The following SCARB1 variants were observed in gnomAD, a reference collection of about 807,000 sequenced individuals.
The protein encoded by SCARB1 is CD36 and LIMPII analogous 1.
A neutral mutation model predicts 57.2 loss-of-function variants in SCARB1; 30 were observed. The observed-to-expected ratio is 0.52, with a 90% CI of 0.39 to 0.71. The LOEUF (loss-of-function observed/expected upper bound fraction) is 0.71, where lower values mean the gene tolerates loss of function less well. SCARB1 is among the 30% of genes least tolerant of loss of function. The pLI, the probability that SCARB1 is intolerant of heterozygous loss-of-function variation, is 0.00. For missense variants in SCARB1, 543 were observed against 671.2 expected, an observed-to-expected ratio of 0.81 and a Z score of 2.11; for synonymous variants, 249 against 268.3, an observed-to-expected ratio of 0.93 and a Z score of 0.70.
intron 1 of SCARB1, among the ~76,000 whole-genome samples, chr12:124,858,012 C>T (rs1200605124): frequency 6.6e-6 from 1 of 152,134 alleles, no homozygotes; most frequent in Admixed American, 6.5e-5. Context: ...TGGATGTGTG[C>T]CCCCCAGGAC....
At chr12:124,843,872 G>A (rs1952018637) in intron 1 of SCARB1, among the ~76,000 whole-genome samples, 2 of 152,156 alleles carry the variant, frequency 1.3e-5, no homozygotes, top group South Asian at 2.1e-4. Context: ...AAGCACATGA[G>A]AACAATGCTG....
At chr12:124,845,684 G>A (rs1434775798) in intron 1 of SCARB1, among the ~76,000 whole-genome samples, 1 of 139,792 alleles carries the variant, frequency 7.2e-6, no homozygotes, top group African/African-American at 2.7e-5. Context: ...CAGCCTGGGT[G>A]ACACAGCAAG....
rs2135526034 is a variant in SCARB1 at position 124,782,827 on chromosome 12, G to A, written c.1402-16C>T. 2 of 1,613,734 alleles carry A rather than the reference G, an allele frequency of 1.2e-6. No individual in the cohort carries two copies. The highest frequency in any genetic ancestry group is 1.7e-6 in the Non-Finnish European group (2 of 1,179,712). ...AGCATTTCTCCTAGAAGATAACCAAGCTAATTTATAGTTGACGTTGAAGCC... is the reference window on the plus strand; with the variant it reads ...AGCATTTCTCCTAGAAGATAACCAAACTAATTTATAGTTGACGTTGAAGCC... On this transcript the variant is annotated splice_polypyrimidine_tract_variant and intron_variant, in intron 11 of 12. Transcript: ENST00000261693.
At chr12:124,838,179 A>G (rs745325572) in intron 1 of SCARB1, among the ~76,000 whole-genome samples, 4 of 152,188 alleles carry the variant, frequency 2.6e-5, no homozygotes, top group Non-Finnish European at 4.4e-5. Context: ...CCTAGACCAC[A>G]CAGAAATTCA....
chr12:124,846,729 C>CAAAAAAA (rs5801572), intron 1 of SCARB1, among the ~76,000 whole-genome samples: 8 of 46,038 alleles, frequency 1.7e-4, no homozygotes, highest in Admixed American at 4.1e-4. Context: ...GACTCCATCT[C>CAAAAAAA]AAAAAAAAAA....
At chr12:124,801,951 G>C (rs1950146810) in intron 7 of SCARB1, among the ~76,000 whole-genome samples, 1 of 151,618 alleles carries the variant, frequency 6.6e-6, no homozygotes, top group African/African-American at 2.4e-5. Context: ...GGGAGTTCAC[G>C]ACCAGCCTGA....
chr12:124,850,992 G>T (rs753128751), intron 1 of SCARB1, among the ~76,000 whole-genome samples: 3 of 152,166 alleles, frequency 2.0e-5, no homozygotes, highest in Non-Finnish European at 2.9e-5. Flanking sequence ...CTCCAAATGG[G>T]CAGGCGACCC....
At position 124,817,161 on chromosome 12, in the gene SCARB1, T is replaced by G. The variant is rs141739151; in HGVS notation, c.284+389A>C. ...GTGTATGTGTATGTGTGTGTATGTA[T>G]GTGTGTAACTCACACATGCACCCTC... On this transcript the variant is annotated intron_variant, in intron 2 of 12. Coordinates refer to ENST00000261693, the MANE Select transcript of SCARB1 (RefSeq NM_005505.5). This position sits in a 1 kb window ranked among gnomAD's most constrained non-coding sequence, Gnocchi z 4.8. Among the ~76,000 whole-genome samples, 3 of 151,822 alleles carry G rather than the reference T, an allele frequency of 2.0e-5. No homozygotes were observed. Among genetic ancestry groups the G allele is most frequent in the Middle Eastern group, 3.4e-3 (1 of 294 alleles).
chr12:124,840,135 G>T, intron 1 of SCARB1: 2 of 1,187,338 alleles, frequency 1.7e-6, no homozygotes, highest in Non-Finnish European at 2.2e-6. Context: ...TTTCCCTAAC[G>T]ATGAGCGAGT....
intron 4 of SCARB1, among the ~76,000 whole-genome samples, chr12:124,813,218 C>A (rs1313852384): frequency 6.6e-6 from 1 of 152,150 alleles, no homozygotes; most frequent in East Asian, 1.9e-4. Flanking sequence ...TTTCTTCCTC[C>A]CTAAGAGGGA....
chr12:124,821,503 A>G, intron 1 of SCARB1: 2 of 984,384 alleles, frequency 2.0e-6, no homozygotes, highest in Non-Finnish European at 2.4e-6. Flanking sequence ...CTCTCTCCCC[A>G]AAGAAGAGGC....
intron 1 of SCARB1, among the ~76,000 whole-genome samples, chr12:124,820,589 A>C (rs1269736005): frequency 1.3e-5 from 2 of 152,020 alleles, no homozygotes; most frequent in Non-Finnish European, 2.9e-5. Context: ...AAGCCCATGC[A>C]CTGCAGGTCC....
chr12:124,863,620 G>T lies in SCARB1; in HGVS notation c.101C>A (p.Ser34Ter). The change falls in exon 1 of 13, where the codon TCG (serine) becomes TAG (stop). Residue 34 changes from serine (S) to a stop codon, truncating the protein, a stop_gained. Coordinates refer to ENST00000261693, the MANE Select transcript of SCARB1 (RefSeq NM_005505.5). LOFTEE classifies it high-confidence loss of function. ...CTTAAGGACCTGCTGCTTGATGAGCGACGGCACCATCACGATCATGACAGC... is the reference window on the plus strand; with the variant it reads ...CTTAAGGACCTGCTGCTTGATGAGCTACGGCACCATCACGATCATGACAGC... The part of the protein sequence containing the change: ...LGAVMIVMVP[S>*]LIKQQVLKNV... 6.2e-7 allele frequency: 1 copy of T among 1,601,610 alleles called. No homozygotes were observed. The highest frequency in any genetic ancestry group is 1.1e-5 in the South Asian group (1 of 89,296).
intron 12 of SCARB1, among the ~76,000 whole-genome samples, chr12:124,781,696 C>T (rs73227556): frequency 0.032 from 4,884 of 152,232 alleles, 108 homozygotes; most frequent in Non-Finnish European, 0.053. Context: ...TATCATTGCA[C>T]AGGAACACAA....
Position 124,810,076 on chromosome 12 carries a change from C to T in SCARB1, c.842+98G>A, listed in dbSNP as rs575552261. Reference sequence around the variant, plus strand: ...GCCAAGGGCTACTGAGTCAAATCCACGATGAGTCAAAATGCTTTCCAAGTG... The same window carrying T: ...GCCAAGGGCTACTGAGTCAAATCCATGATGAGTCAAAATGCTTTCCAAGTG... On this transcript the variant is annotated intron_variant, in intron 6 of 12. Transcript: ENST00000261693. The surrounding 1 kb of genome is among the most constrained non-coding windows in gnomAD (Gnocchi z 4.0). The T allele has an allele frequency of 1.8e-5, 14 of 782,646 alleles. No homozygotes were observed. Among genetic ancestry groups the T allele is most frequent in the African/African-American group, 5.1e-5 (3 of 58,850 alleles). 48.5% of individuals were successfully genotyped at this position (782,646 alleles called of 1,614,324 possible). A position where few individuals can be genotyped will look rare whatever the true frequency, so the allele number is the denominator to read the frequency against.
chr12:124,811,095 AAAG>A (rs1227369989), intron 5 of SCARB1, among the ~76,000 whole-genome samples: 1 of 152,250 alleles, frequency 6.6e-6, no homozygotes, highest in Non-Finnish European at 1.5e-5. Flanking sequence ...CATGATGTTC[AAAG>A]AAGAAACAAT....
At chr12:124,830,282 T>G (rs1951334154) in intron 1 of SCARB1, among the ~76,000 whole-genome samples, 1 of 152,200 alleles carries the variant, frequency 6.6e-6, no homozygotes. Flanking sequence ...TGGAATATAC[T>G]TTTTCTACCA....
rs4238001 is a variant in SCARB1 at position 124,863,717 on chromosome 12, C to T, written c.4G>A (p.Gly2Ser). The change falls in exon 1 of 13, where the codon GGC becomes AGC. Residue 2 changes from glycine (G) to serine (S), a missense_variant. Physicochemically the swap from Gly to Ser is moderately conservative, Grantham distance 56. Coordinates refer to ENST00000261693, the MANE Select transcript of SCARB1 (RefSeq NM_005505.5). ...GCCCAGCGCGCTTTGGCGGAGCAGC[C>T]CATGTCTGCGCGCCTGGGGCCCACC... is the stretch of plus-strand genomic sequence containing the variant. MGCSAKARWAAG... is the reference protein window; with the variant it reads MSCSAKARWAAG... 146,267 of 1,504,254 alleles carry T rather than the reference C, an allele frequency of 0.097. 7,792 individuals are homozygous for T. The highest frequency in any genetic ancestry group is 0.15 in the Middle Eastern group (883 of 5,822). 93.2% of individuals were successfully genotyped at this position (1,504,254 alleles called of 1,614,324 possible). A position where few individuals can be genotyped will look rare whatever the true frequency, so the allele number is the denominator to read the frequency against.
intron 1 of SCARB1, among the ~76,000 whole-genome samples, chr12:124,825,317 GC>G (rs1302001643): frequency 6.7e-6 from 1 of 150,208 alleles, no homozygotes. Context: ...TGAAAACTCT[GC>G]CCTAGAAAGA....
Sources: gnomAD v4.1 joint callset for allele counts (sites outside exome capture counted in the v4.1 genomes callset) on GRCh38, gnomAD v4.1.1 for gene constraint, Gnocchi (gnomAD v3.1) non-coding constraint, MANE v1.5 for transcripts, NCBI Gene and HGNC (gene_info 2026-07-23, HGNC 2026-07-21) for gene names.